The following CTCF variants were observed in gnomAD, a reference collection of about 807,000 sequenced individuals.
CTCF encodes the protein CCCTC-binding factor.
In CTCF, 7 loss-of-function variants were observed where a neutral mutation model predicts 72.3. The ratio of observed to expected loss-of-function variants is 0.10; its 90% CI spans 0.06 to 0.18. The LOEUF (loss-of-function observed/expected upper bound fraction) is 0.18. Ranked by LOEUF, CTCF falls within the 10% of genes least tolerant of loss-of-function variation. The pLI is 1.00. For missense variants in CTCF, 516 were observed against 949.1 expected (o/e 0.54, Z 6.00); for synonymous variants, 374 against 315.8 (o/e 1.18, Z -1.95).
intron 2 of CTCF, among the ~76,000 whole-genome samples, chr16:67,589,573 A>G (rs1276158529): frequency 6.6e-6 from 1 of 152,168 alleles, no homozygotes; most frequent in Non-Finnish European, 1.5e-5. Flanking sequence ...TACAGTACTC[A>G]TCACACTATA....
chr16:67,592,665 A>T (rs983623595), intron 2 of CTCF, among the ~76,000 whole-genome samples: 106 of 152,196 alleles, frequency 7.0e-4, no homozygotes, highest in Non-Finnish European at 1.2e-3. Flanking sequence ...AGATCGTGCC[A>T]CTGCACTGCA....
chr16:67,614,363 A>AAAAAAGATG (rs1270512971), intron 4 of CTCF: 1 of 153,966 alleles, frequency 6.5e-6, no homozygotes, highest in Non-Finnish European at 1.4e-5. Flanking sequence ...AAAAAAAAAA[A>AAAAAAGATG]AAAAAGATGT....
chr16:67,616,915 C>T (rs766547523), intron 5 of CTCF, 37 bp downstream of exon 5: 11 of 1,602,840 alleles, frequency 6.9e-6, no homozygotes, highest in Non-Finnish European at 7.7e-6. Flanking sequence ...CTCTCTTAGG[C>T]AGACCATGAT....
rs554705719 is a variant in CTCF at position 67,633,965 on chromosome 16, C to CA, written c.1838-2719dup. On this transcript the variant is annotated intron_variant, in intron 10 of 11. Transcript: ENST00000264010. The stretch of plus-strand genomic sequence containing the variant: ...TTTGAAATTCGGTATTGTGTTGAGT[C>CA]AAAAAAGGGTCTAAAGCTAAAAGGA... Among the ~76,000 whole-genome samples the CA allele has an allele frequency of 2.1e-3, 319 of 151,780 alleles. 2 individuals carry two copies. The highest frequency in any genetic ancestry group is 2.7e-3 in the Non-Finnish European group (180 of 67,902).
intron 2 of CTCF, among the ~76,000 whole-genome samples, chr16:67,609,624 CTTT>C (rs921342687): frequency 1.6e-4 from 22 of 135,404 alleles, no homozygotes; most frequent in Non-Finnish European, 2.6e-4. Context: ...CCTGATAATT[CTTT>C]TTTTTTTTTT....
At chr16:67,588,777 C>T (rs746643186) in intron 2 of CTCF, among the ~76,000 whole-genome samples, 75 of 152,178 alleles carry the variant, frequency 4.9e-4, no homozygotes, top group Non-Finnish European at 9.0e-4. Context: ...ACCTCCACCT[C>T]CTGGGTTCAA....
At chr16:67,584,333 T>G in intron 2 of CTCF, among the ~76,000 whole-genome samples, 1 of 136,268 alleles carries the variant, frequency 7.3e-6, no homozygotes, top group Non-Finnish European at 1.6e-5. Context: ...AAAAAAAAAG[T>G]CTTCTTTTTT....
intron 2 of CTCF, among the ~76,000 whole-genome samples, chr16:67,602,856 A>G (rs1181108330): frequency 6.6e-6 from 1 of 151,890 alleles, no homozygotes; most frequent in Non-Finnish European, 1.5e-5. Flanking sequence ...AAAAAAAAAA[A>G]AAAAAGAGAA....
In CTCF at chr16:67,622,345, G is replaced by A. The variant is rs578066337; in HGVS notation, c.1357+754G>A. 1.1e-4 allele frequency among the ~76,000 whole-genome samples: 16 copies of A among 150,422 alleles called. No individual in the cohort carries two copies. In the South Asian group the frequency reaches 2.9e-3, roughly 28 times the overall value. ...CACTCCAGCCTGGGTGACAGAGCGC[G>A]ACTCTGTCTCAAAAAAAAAAAAGGT... On this transcript the variant is annotated intron_variant, in intron 7 of 11. Coordinates refer to ENST00000264010, the MANE Select transcript of CTCF (RefSeq NM_006565.4).
chr16:67,576,127 T>G (rs1597681244), intron 2 of CTCF, among the ~76,000 whole-genome samples: 3 of 122,798 alleles, frequency 2.4e-5, no homozygotes, highest in Admixed American at 9.7e-5. Context: ...GGTGACAGAG[T>G]GAGACCCTGT....
intron 4 of CTCF, 54 bp from the exon 5 acceptor site, chr16:67,616,691 G>A (rs1184513639): frequency 8.1e-6 from 13 of 1,604,812 alleles, no homozygotes; most frequent in African/African-American, 1.3e-5. Context: ...ATTGAACTCT[G>A]TCATTAACTG....
intron 3 of CTCF, 112 bp from the exon 4 acceptor site, chr16:67,611,839 A>C: frequency 1.9e-6 from 2 of 1,037,508 alleles, no homozygotes; most frequent in Non-Finnish European, 2.9e-6. Flanking sequence ...TATGACTTAT[A>C]TTGGGTTTTG....
chr16:67,575,311 C>T (rs188538729), intron 2 of CTCF, among the ~76,000 whole-genome samples: 11 of 151,760 alleles, frequency 7.2e-5, no homozygotes, highest in Admixed American at 5.9e-4. Context: ...GTGGCTCATG[C>T]TTATAATCCC....
At chr16:67,598,662 C>T (rs1170578659) in intron 2 of CTCF, among the ~76,000 whole-genome samples, 1 of 152,228 alleles carries the variant, frequency 6.6e-6, no homozygotes. Flanking sequence ...AGTGCAATTT[C>T]TCCCACATAT....
intron 2 of CTCF, among the ~76,000 whole-genome samples, chr16:67,588,109 C>T (rs922205539): frequency 7.9e-5 from 12 of 152,068 alleles, no homozygotes; most frequent in African/African-American, 2.7e-4. Flanking sequence ...TCACCTGCCT[C>T]GGTCTCCCAA....
chr16:67,575,191 A>G (rs1204743125), intron 2 of CTCF, among the ~76,000 whole-genome samples: 7 of 152,126 alleles, frequency 4.6e-5, no homozygotes, highest in Non-Finnish European at 8.8e-5. Flanking sequence ...TGAGGTTGCA[A>G]TGAGCCGTGG....
At chr16:67,608,499 G>A (rs1283265597) in intron 2 of CTCF, among the ~76,000 whole-genome samples, 1 of 152,122 alleles carries the variant, frequency 6.6e-6, no homozygotes, top group Non-Finnish European at 1.5e-5. Flanking sequence ...TCTGAGTTTG[G>A]CTTCAAAAAA....
rs2142847366 is a variant in CTCF at position 67,620,730 on chromosome 16, A to G, written c.1120A>G (p.Thr374Ala). The change falls in exon 6 of 12, where the codon ACT becomes GCT. Residue 374 changes from threonine to alanine, a missense_variant. Physicochemically the swap from Thr to Ala is moderately conservative, Grantham distance 58 (BLOSUM62 0). Around this residue, in one of 7 missense-constraint regions of CTCF, gnomAD observed 70 missense variants for 290.1 expected, o/e 0.24. Coordinates refer to ENST00000264010, the MANE Select transcript of CTCF (RefSeq NM_006565.4). The part of the protein sequence containing the change: ...SKLKRHIRSH[T>A]GERPFQCSLC... ...ATTAAAACGTCACATTCGCTCTCAT[A>G]CTGGAGAGCGTCCGTTTCAGTGCAG... The G allele has an allele frequency of 6.3e-7, 1 of 1,596,218 alleles. No individual in the cohort carries two copies. The highest frequency in any genetic ancestry group is 8.6e-7 in the Non-Finnish European group (1 of 1,166,338).
chr16:67,621,194 A>G (rs1241801004), intron 6 of CTCF: 4 of 406,626 alleles, frequency 9.8e-6, no homozygotes, highest in Admixed American at 3.8e-5. Flanking sequence ...GTCTCCCCCA[A>G]AGGTAAGCAT....
Sources: allele counts gnomAD v4.1 joint callset (sites outside exome capture counted in the v4.1 genomes callset), GRCh38; gene constraint gnomAD v4.1.1; regional missense constraint gnomAD v4.1.1; transcripts MANE v1.5; gene names NCBI Gene and HGNC (gene_info 2026-07-23, HGNC 2026-07-21).